Variants in GGACT observed in about 807,000 individuals in gnomAD.
GGACT encodes gamma-glutamylaminecyclotransferase.
For missense variants in GGACT, 241 were observed against 233.2 expected, an observed-to-expected ratio of 1.03 and a Z score of -0.22; for synonymous variants, 118 against 115.3, an observed-to-expected ratio of 1.02 and a Z score of -0.15.
chr13:100,578,139 A>G (rs747798543), intron 2 of GGACT, among the ~76,000 whole-genome samples: 13 of 152,184 alleles, frequency 8.5e-5, no homozygotes, highest in Non-Finnish European at 1.5e-4. Context: ...CCACAGGGAA[A>G]TGTCCGAACA....
intron 1 of GGACT, among the ~76,000 whole-genome samples, chr13:100,584,843 A>G (rs1292524722): frequency 6.6e-6 from 1 of 152,240 alleles, no homozygotes; most frequent in Non-Finnish European, 1.5e-5. Context: ...CCTACAAATA[A>G]GAAAAGTAAA....
intron 2 of GGACT, among the ~76,000 whole-genome samples, chr13:100,541,482 C>T (rs1288186761): frequency 6.6e-6 from 1 of 152,194 alleles, no homozygotes; most frequent in East Asian, 1.9e-4. Flanking sequence ...ATTCCCTCTT[C>T]CCCTTGGCCC....
chr13:100,557,191 C>T (rs183716768), intron 2 of GGACT, among the ~76,000 whole-genome samples: 11 of 152,168 alleles, frequency 7.2e-5, no homozygotes, highest in East Asian at 1.9e-4. Context: ...ATGCCCAGCC[C>T]GAAGTTTCTA....
chr13:100,532,510 C>G lies in GGACT; in HGVS notation c.82G>C (p.Ala28Pro). 6.5e-7 allele frequency: 1 copy of G among 1,548,484 alleles called. No individual in the cohort carries two copies. Reference protein sequence around the residue: ...RVLRDGAHGSAAFRARGRTLE... With the variant: ...RVLRDGAHGSPAFRARGRTLE... ...GTGCGGCCGCGCGCCCGAAAGGCTG[C>G]GGAGCCGTGGGCGCCGTCCCGCAGG... is the stretch of plus-strand genomic sequence containing the variant. The change falls in exon 3 of 3, where the codon GCA becomes CCA. Residue 28 changes from alanine (A) to proline (P), a missense_variant. By Grantham distance (27) the Ala-to-Pro change is conservative. Coordinates refer to ENST00000683975, the MANE Select transcript of GGACT (RefSeq NM_001195087.2).
chr13:100,546,089 A>G (rs2088600754), intron 2 of GGACT, among the ~76,000 whole-genome samples: 1 of 152,188 alleles, frequency 6.6e-6, no homozygotes, highest in South Asian at 2.1e-4. Flanking sequence ...GGCCGGGCAC[A>G]GTGGCTCACG....
intron 2 of GGACT, among the ~76,000 whole-genome samples, chr13:100,556,840 T>C (rs1318015910): frequency 6.6e-6 from 1 of 152,176 alleles, no homozygotes; most frequent in Non-Finnish European, 1.5e-5. Context: ...TTGAAGGATC[T>C]AGAATAGCCA....
At chr13:100,581,393 A>G (rs953099724) in intron 2 of GGACT, among the ~76,000 whole-genome samples, 2 of 152,254 alleles carry the variant, frequency 1.3e-5, no homozygotes, top group Non-Finnish European at 2.9e-5. Context: ...CAGCCCACAA[A>G]GATGGGACAA....
chr13:100,576,533 A>T (rs1594198465), intron 2 of GGACT, among the ~76,000 whole-genome samples: 1 of 152,238 alleles, frequency 6.6e-6, no homozygotes, highest in Non-Finnish European at 1.5e-5. Context: ...CAAAAACTGT[A>T]AATAATCCAA....
chr13:100,547,616 C>T (rs948910250), intron 2 of GGACT, among the ~76,000 whole-genome samples: 5 of 152,234 alleles, frequency 3.3e-5, no homozygotes, highest in African/African-American at 1.2e-4. Context: ...AGCTCCTCAT[C>T]TTTTCTTTAG....
intron 2 of GGACT, among the ~76,000 whole-genome samples, chr13:100,550,539 G>A (rs2088653355): frequency 6.6e-6 from 1 of 152,176 alleles, no homozygotes; most frequent in Non-Finnish European, 1.5e-5. Context: ...CAGTGTTTGG[G>A]TTTACAACTC....
chr13:100,566,204 C>G (rs1231484251), intron 2 of GGACT, among the ~76,000 whole-genome samples: 1 of 152,214 alleles, frequency 6.6e-6, no homozygotes, highest in Non-Finnish European at 1.5e-5. Context: ...AGATCCTGAG[C>G]CACAGAAACT....
chr13:100,538,523 A>G (rs1377904555), intron 2 of GGACT: 1 of 152,238 alleles, frequency 6.6e-6, no homozygotes, highest in Non-Finnish European at 1.5e-5. Context: ...TGAGTTGTGA[A>G]AAAGGTCTCC....
At chr13:100,550,183 C>T (rs954431063) in intron 2 of GGACT, among the ~76,000 whole-genome samples, 7 of 151,954 alleles carry the variant, frequency 4.6e-5, no homozygotes, top group South Asian at 2.1e-4. Flanking sequence ...GTGTGCTGGC[C>T]GGACAGCCTG....
At chr13:100,577,416 C>CAAAAA (rs1246035632) in intron 2 of GGACT, among the ~76,000 whole-genome samples, 2 of 30,154 alleles carry the variant, frequency 6.6e-5, no homozygotes, top group African/African-American at 1.2e-4. Context: ...GACTCCATCT[C>CAAAAA]AAAAATAAAT....
In GGACT at chr13:100,532,559, C is replaced by G; in HGVS notation, c.33G>C (p.Lys11Asn). 6.5e-7 allele frequency: 1 copy of G among 1,547,000 alleles called. No homozygotes were observed. The stretch of plus-strand genomic sequence containing the variant: ...GGACCCTGTGGTTGGGCTGACCCCG[C>G]TTCAGGGTGCCGTACACGAAGACTA... Reference protein sequence around the residue: MALVFVYGTLKRGQPNHRVLR... With the variant: MALVFVYGTLNRGQPNHRVLR... The change falls in exon 3 of 3, where the codon AAG becomes AAC. Residue 11 changes from lysine to asparagine, a missense_variant. By Grantham distance (94) the Lys-to-Asn change is moderately conservative. Coordinates refer to ENST00000683975, the MANE Select transcript of GGACT (RefSeq NM_001195087.2).
At chr13:100,557,203 T>G (rs1317610144) in intron 2 of GGACT, among the ~76,000 whole-genome samples, 2 of 152,196 alleles carry the variant, frequency 1.3e-5, no homozygotes, top group East Asian at 3.9e-4. Context: ...AAGTTTCTAT[T>G]TCAATACTTA....
At chr13:100,553,695 T>C (rs1179427368) in intron 2 of GGACT, among the ~76,000 whole-genome samples, 1 of 151,958 alleles carries the variant, frequency 6.6e-6, no homozygotes. Context: ...AATACAAAAA[T>C]TAGCTAGGCG....
chr13:100,545,658 G>A lies in GGACT; in HGVS notation c.-10-13057C>T, dbSNP rs990806700. 6.6e-6 allele frequency among the ~76,000 whole-genome samples: 1 copy of A among 152,382 alleles called. No individual in the cohort carries two copies. Among genetic ancestry groups the A allele is most frequent in the Middle Eastern group, 3.4e-3 (1 of 294 alleles). Reference sequence around the variant, plus strand: ...TCCTGAAATTCCCGATTTTGTCTTTGTATTTTGTAAGCAAAGCGAAGCCTG... The same window carrying A: ...TCCTGAAATTCCCGATTTTGTCTTTATATTTTGTAAGCAAAGCGAAGCCTG... On this transcript the variant is annotated intron_variant, in intron 2 of 2. Transcript: ENST00000683975. This position sits in a 1 kb window ranked among gnomAD's most constrained non-coding sequence, Gnocchi z 4.4.
intron 2 of GGACT, chr13:100,540,305 T>G: frequency 1.2e-6 from 1 of 861,936 alleles, no homozygotes; most frequent in South Asian, 1.3e-5. Context: ...GATTTTTGAC[T>G]GCTGCTTCAG....
Sources: gnomAD v4.1 joint callset for allele counts (sites outside exome capture counted in the v4.1 genomes callset) on GRCh38, gnomAD v4.1.1 for gene constraint, Gnocchi (gnomAD v3.1) non-coding constraint, MANE v1.5 for transcripts, NCBI Gene and HGNC (gene_info 2026-07-23, HGNC 2026-07-21) for gene names.